The following DIAPH3 variants were observed in gnomAD, a reference collection of about 807,000 sequenced individuals.
DIAPH3 encodes the protein protein diaphanous homolog 3.
Under a neutral mutation model 144.3 loss-of-function variants are expected in DIAPH3, and 117 were observed. The observed-to-expected ratio is 0.81, with a 90% confidence interval of 0.70 to 0.95. The LOEUF is 0.95. Ranked by LOEUF, DIAPH3 falls within the 40% of genes least tolerant of loss-of-function variation. DIAPH3 has a pLI of 0.00. For missense variants in DIAPH3, 1,421 were observed against 1,412.7 expected (o/e 1.01, Z -0.09); for synonymous variants, 519 against 488.9 (o/e 1.06, Z -0.81).
intron 2 of DIAPH3, among the ~76,000 whole-genome samples, chr13:60,129,428 CAATA>C (rs2059079697): frequency 6.6e-6 from 1 of 152,170 alleles, no homozygotes; most frequent in Admixed American, 6.5e-5. Context: ...GGGAACCCAA[CAATA>C]TAGCAATCCT....
intron 21 of DIAPH3, among the ~76,000 whole-genome samples, chr13:59,875,421 T>C (rs2140028679): frequency 6.6e-6 from 1 of 151,958 alleles, no homozygotes; most frequent in African/African-American, 2.4e-5. Flanking sequence ...GAAACGTACA[T>C]TTTTTTTCAC....
At chr13:59,899,144 A>C (rs1323470053) in intron 20 of DIAPH3, among the ~76,000 whole-genome samples, 1 of 152,150 alleles carries the variant, frequency 6.6e-6, no homozygotes. Flanking sequence ...TAAAGGCTGC[A>C]GTGCCAGCTT....
At chr13:59,678,740 A>T (rs1178269625) in intron 27 of DIAPH3, among the ~76,000 whole-genome samples, 1 of 152,216 alleles carries the variant, frequency 6.6e-6, no homozygotes, top group African/African-American at 2.4e-5. Context: ...ACAGGACCTC[A>T]CATCACATCT....
Position 59,689,560 on chromosome 13 carries a change from T to C in DIAPH3, c.3320-22714A>G, listed in dbSNP as rs148831576. On this transcript the variant is annotated intron_variant, in intron 27 of 27. Coordinates refer to ENST00000400324, the MANE Select transcript of DIAPH3 (RefSeq NM_001042517.2). Reference sequence around the variant, plus strand: ...TTTTAGGCAAATCATGAAGGAAAACTTTCTTCTTCATGGAAGAAAGCAAAA... The same window carrying C: ...TTTTAGGCAAATCATGAAGGAAAACCTTCTTCTTCATGGAAGAAAGCAAAA... Among the ~76,000 whole-genome samples the C allele has an allele frequency of 2.1e-3, 320 of 152,070 alleles. 2 individuals carry two copies. Among genetic ancestry groups the C allele is most frequent in the Middle Eastern group, 0.01 (3 of 294 alleles).
intron 25 of DIAPH3, among the ~76,000 whole-genome samples, chr13:59,781,718 T>C (rs2038749574): frequency 6.6e-6 from 1 of 152,244 alleles, no homozygotes; most frequent in Non-Finnish European, 1.5e-5. Flanking sequence ...AAACAAACTT[T>C]TTGAGAAGTC....
intron 27 of DIAPH3, among the ~76,000 whole-genome samples, chr13:59,667,542 G>T (rs925743579): frequency 2.6e-4 from 39 of 152,166 alleles, no homozygotes; most frequent in African/African-American, 8.9e-4. Flanking sequence ...TTAAAAAGTC[G>T]ATTATTTTCC....
At chr13:59,927,625 C>A (rs1450273874) in intron 17 of DIAPH3, among the ~76,000 whole-genome samples, 2 of 152,086 alleles carry the variant, frequency 1.3e-5, no homozygotes, top group African/African-American at 2.4e-5. Flanking sequence ...CTATTTCTCC[C>A]TCACCTGTGA....
At chr13:59,825,211 C>A (rs1593565125) in intron 24 of DIAPH3, among the ~76,000 whole-genome samples, 1 of 152,132 alleles carries the variant, frequency 6.6e-6, no homozygotes, top group East Asian at 1.9e-4. Flanking sequence ...CAACAGTCCC[C>A]AGAGTGTGAT....
intron 13 of DIAPH3, among the ~76,000 whole-genome samples, chr13:59,982,739 T>C (rs1269773170): frequency 4.6e-5 from 7 of 151,718 alleles, no homozygotes; most frequent in East Asian, 1.9e-4. Flanking sequence ...AATCTCTTGA[T>C]AAATGTTGCA....
chr13:59,925,364 T>A (rs1410010588), intron 17 of DIAPH3, among the ~76,000 whole-genome samples: 1 of 152,170 alleles, frequency 6.6e-6, no homozygotes, highest in East Asian at 1.9e-4. Flanking sequence ...ATTTTATTGA[T>A]CGTGAATGTT....
chr13:60,066,490 G>T (rs2056971853), intron 4 of DIAPH3, among the ~76,000 whole-genome samples: 1 of 152,192 alleles, frequency 6.6e-6, no homozygotes. Context: ...TCTATGTGAT[G>T]TAAATACTCC....
At chr13:60,102,078 T>C (rs3106) in intron 3 of DIAPH3, among the ~76,000 whole-genome samples, 96,706 of 151,954 alleles carry the variant, frequency 0.64, 31,265 homozygotes, top group Admixed American at 0.72. Context: ...AATTCCATTT[T>C]CTGCTGTTTT....
chr13:59,701,129 C>G (rs2034089390), intron 27 of DIAPH3, among the ~76,000 whole-genome samples: 1 of 152,168 alleles, frequency 6.6e-6, no homozygotes, highest in Non-Finnish European at 1.5e-5. Context: ...AAAAATTACA[C>G]ATTTAGAAAT....
Position 60,112,335 on chromosome 13 carries a change from TAATA to T in DIAPH3, c.214-153_214-150del, listed in dbSNP as rs2058591876. 3.2e-6 allele frequency: 3 copies of T among 946,228 alleles called. No homozygotes were observed. In the East Asian group the frequency reaches 8.0e-5, roughly 25 times the overall value. 58.6% of individuals were successfully genotyped at this position (946,228 alleles called of 1,614,324 possible). On this transcript the variant is annotated intron_variant, in intron 2 of 27. Transcript: ENST00000400324. ...TCAGCATTGGAATATTTAAAATTAA[TAATA>T]ATAAAGAGTGGTGAAAATTTTTCAG...
intron 24 of DIAPH3, among the ~76,000 whole-genome samples, chr13:59,826,239 T>C (rs2041409824): frequency 8.5e-6 from 1 of 117,168 alleles, no homozygotes; most frequent in Non-Finnish European, 1.9e-5. Flanking sequence ...GGAAGTCAAA[T>C]TGTCCCTGTT....
intron 2 of DIAPH3, among the ~76,000 whole-genome samples, chr13:60,123,001 A>T (rs1327000612): frequency 6.6e-6 from 1 of 152,150 alleles, no homozygotes; most frequent in Non-Finnish European, 1.5e-5. Flanking sequence ...AAAAGCATAG[A>T]CCTATATTAC....
At position 59,967,374 on chromosome 13, in the gene DIAPH3, CAT is replaced by C. The variant is rs372494898; in HGVS notation, c.2074+2568_2074+2569del. On this transcript the variant is annotated intron_variant, in intron 17 of 27. Transcript: ENST00000400324. Reference sequence around the variant, plus strand: ...ACAGGCGGGAGCCATTGCACCCGGCCATAGTTTTGAATTCTGCAGCAATTACA... The same window carrying C: ...ACAGGCGGGAGCCATTGCACCCGGCCAGTTTTGAATTCTGCAGCAATTACA... Among the ~76,000 whole-genome samples the C allele has an allele frequency of 3.4e-3, 516 of 152,114 alleles. 3 individuals carry two copies. Among genetic ancestry groups the C allele is most frequent in the African/African-American group, 0.012 (492 of 41,476 alleles).
intron 24 of DIAPH3, among the ~76,000 whole-genome samples, chr13:59,816,865 C>G (rs2040801477): frequency 2.0e-5 from 3 of 151,874 alleles, no homozygotes; most frequent in African/African-American, 7.2e-5. Context: ...GACTTATTCT[C>G]TTAAGCACAT....
At chr13:60,163,497 T>A in intron 1 of DIAPH3, 90 bp downstream of exon 1, 2 of 1,532,518 alleles carry the variant, frequency 1.3e-6, no homozygotes, top group Non-Finnish European at 8.8e-7. Context: ...AGAATAAAAC[T>A]TGGTCCCCAA....
Sources: allele counts gnomAD v4.1 joint callset (sites outside exome capture counted in the v4.1 genomes callset), GRCh38; gene constraint gnomAD v4.1.1; transcripts MANE v1.5; gene names NCBI Gene and HGNC (gene_info 2026-07-23, HGNC 2026-07-21).